Variants in CEP63 observed in about 807,000 individuals in gnomAD.
The protein encoded by CEP63 is centrosomal protein 63.
CEP63 carries 84 observed loss-of-function variants against 89.1 expected under a neutral mutation model. The observed-to-expected ratio is 0.94, with a 90% confidence interval of 0.79 to 1.13. The LOEUF (loss-of-function observed/expected upper bound fraction) is 1.13, where lower values mean the gene tolerates loss of function less well. Among genes scored for constraint, CEP63 ranks in the 50% most tolerant of loss-of-function variants. CEP63 has a pLI of 0.00. For missense variants in CEP63, 838 were observed against 813.3 expected, an observed-to-expected ratio of 1.03 and a Z score of -0.37; for synonymous variants, 267 against 272.5, an observed-to-expected ratio of 0.98 and a Z score of 0.20.
chr3:134,703,143 A>T, the CEP63 span, among the ~76,000 whole-genome samples: 1 of 151,936 alleles, frequency 6.6e-6, no homozygotes, highest in Non-Finnish European at 1.5e-5. Context: ...AAAATACAAA[A>T]AAATTAGCCA....
At chr3:134,684,964 C>A in the CEP63 span, among the ~76,000 whole-genome samples, 2 of 152,076 alleles carry the variant, frequency 1.3e-5, no homozygotes, top group Admixed American at 6.6e-5. Context: ...TCCAGGGTCC[C>A]TAGGGTCACA....
the CEP63 span, among the ~76,000 whole-genome samples, chr3:134,775,758 G>A: frequency 1.6e-4 from 24 of 152,258 alleles, no homozygotes; most frequent in African/African-American, 5.8e-4. Context: ...TTGTCCATCC[G>A]ATTGCAGGGG....
At chr3:134,568,469 G>A (rs139649660), downstream of CEP63, among the ~76,000 whole-genome samples, 1,140 of 152,356 alleles carry the variant, frequency 7.5e-3, 9 homozygotes, top group Admixed American at 0.012. Flanking sequence ...CAACAGGGCA[G>A]TGGCTGGGGC....
chr3:134,633,721 T>C, the CEP63 span, among the ~76,000 whole-genome samples: 1 of 152,080 alleles, frequency 6.6e-6, no homozygotes. Flanking sequence ...CTCTCACTGA[T>C]CCTAATAATA....
chr3:134,530,875 T>C (rs1242197158), intron 3 of CEP63, among the ~76,000 whole-genome samples: 2 of 152,240 alleles, frequency 1.3e-5, no homozygotes, highest in Non-Finnish European at 1.5e-5. Flanking sequence ...TGTTGTAGAT[T>C]GTGATTGTTT....
the CEP63 span, among the ~76,000 whole-genome samples, chr3:134,634,850 T>A: frequency 6.6e-6 from 1 of 152,086 alleles, no homozygotes; most frequent in Non-Finnish European, 1.5e-5. Context: ...CTGGAACCAA[T>A]CCCCCATGTA....
intron 3 of CEP63, among the ~76,000 whole-genome samples, chr3:134,520,407 A>G (rs150985667): frequency 1.3e-3 from 198 of 152,310 alleles, no homozygotes; most frequent in African/African-American, 4.4e-3. Flanking sequence ...TATGGAGAGA[A>G]ATTAAAACTG....
chr3:134,722,590 A>T, the CEP63 span, among the ~76,000 whole-genome samples: 10,984 of 151,716 alleles, frequency 0.072, 721 homozygotes, highest in African/African-American at 0.18. Flanking sequence ...ATTCTGCTTG[A>T]TTAGGATGTA....
the CEP63 span, among the ~76,000 whole-genome samples, chr3:134,748,455 A>G: frequency 6.6e-6 from 1 of 152,122 alleles, no homozygotes; most frequent in Admixed American, 6.5e-5. Context: ...AAGGGCTAGA[A>G]AGTAGTAGAA....
At chr3:134,679,876 C>T in the CEP63 span, among the ~76,000 whole-genome samples, 1 of 152,154 alleles carries the variant, frequency 6.6e-6, no homozygotes, top group South Asian at 2.1e-4. Context: ...GAGTGCGCCA[C>T]CACATCCAGC....
the CEP63 span, among the ~76,000 whole-genome samples, chr3:134,611,955 G>A: frequency 3.3e-5 from 5 of 152,230 alleles, no homozygotes; most frequent in Admixed American, 6.5e-5. Context: ...CACTTGCTGA[G>A]AGAGTCATTG....
Position 134,550,202 on chromosome 3 carries a change from T to C in CEP63, c.1322T>C (p.Met441Thr). Reference protein sequence around the residue: ...IASTKGSSSDMEKRLRAEMQK... With the variant: ...IASTKGSSSDTEKRLRAEMQK... ...TCCACCAAAGGTTCTTCCTCAGACA[T>C]GGAAAAGCGACTCAGAGCAGAGATG... The change falls in exon 11 of 15, where the codon ATG (methionine) becomes ACG (threonine). Residue 441 changes from methionine (M) to threonine (T), a missense_variant. By Grantham distance (81) the Met-to-Thr change is moderately conservative (BLOSUM62 -1). Transcript: ENST00000675561. 6.2e-7 allele frequency: 1 copy of C among 1,614,042 alleles called. No individual in the cohort carries two copies. Among genetic ancestry groups the C allele is most frequent in the Non-Finnish European group, 8.5e-7 (1 of 1,179,984 alleles).
At chr3:134,625,594 G>A in the CEP63 span, among the ~76,000 whole-genome samples, 3 of 152,218 alleles carry the variant, frequency 2.0e-5, no homozygotes, top group African/African-American at 7.2e-5. Flanking sequence ...CCACAGCCAC[G>A]GCCCTGGGGT....
At chr3:134,612,614 G>T in the CEP63 span, among the ~76,000 whole-genome samples, 1 of 152,098 alleles carries the variant, frequency 6.6e-6, no homozygotes. Context: ...TAGGAGGTGG[G>T]GCCCCATCTA....
At chr3:134,675,247 T>C in the CEP63 span, among the ~76,000 whole-genome samples, 1 of 152,298 alleles carries the variant, frequency 6.6e-6, no homozygotes, top group East Asian at 1.9e-4. Flanking sequence ...CTATGGTCAA[T>C]TGATTTTAAA....
chr3:134,657,958 G>A, the CEP63 span, among the ~76,000 whole-genome samples: 359 of 152,184 alleles, frequency 2.4e-3, 1 homozygote, highest in African/African-American at 8.4e-3. Context: ...GTGCAGTGGC[G>A]CGATCTTGGC....
chr3:134,693,897 G>A, the CEP63 span, among the ~76,000 whole-genome samples: 15 of 152,314 alleles, frequency 9.8e-5, no homozygotes, highest in South Asian at 2.1e-4. Flanking sequence ...CTGGCGGTGC[G>A]TGAGAAGCAG....
intron 6 of CEP63, 40 bp from the exon 7 acceptor site, chr3:134,545,546 A>G: frequency 1.4e-6 from 2 of 1,380,700 alleles, no homozygotes; most frequent in Non-Finnish European, 2.1e-6. Flanking sequence ...TTATTTTATC[A>G]TTTCCCTTTT....
At chr3:134,669,845 T>C in the CEP63 span, among the ~76,000 whole-genome samples, 1 of 152,254 alleles carries the variant, frequency 6.6e-6, no homozygotes, top group Non-Finnish European at 1.5e-5. Flanking sequence ...ATTATTGCTA[T>C]AGACTGAATG....
Sources: gnomAD v4.1 joint callset for allele counts (sites outside exome capture counted in the v4.1 genomes callset) on GRCh38, gnomAD v4.1.1 for gene constraint, MANE v1.5 for transcripts, NCBI Gene and HGNC (gene_info 2026-07-23, HGNC 2026-07-21) for gene names.